CDH18: variants seen among roughly 807,000 people sequenced by gnomAD.
CDH18 encodes the protein cadherin-18.
Under a neutral mutation model 67.9 loss-of-function variants are expected in CDH18, and 31 were observed. That is an observed-to-expected ratio of 0.46 (90% CI 0.34 to 0.62). The LOEUF (loss-of-function observed/expected upper bound fraction) is 0.62. Ranked by LOEUF, CDH18 falls within the 20% of genes least tolerant of loss-of-function variation. CDH18 has a pLI of 0.01. For synonymous variants in CDH18, 362 were observed against 347.2 expected (o/e 1.04, Z -0.48); for missense variants, 890 against 975.5 (o/e 0.91, Z 1.17).
intron 1 of CDH18, among the ~76,000 whole-genome samples, chr5:20,529,282 C>T (rs1756257827): frequency 6.6e-6 from 1 of 151,706 alleles, no homozygotes; most frequent in African/African-American, 2.4e-5. Flanking sequence ...AAAAAAAAGC[C>T]CAGAACCAGA....
chr5:20,427,820 T>A (rs1748419337), intron 1 of CDH18, among the ~76,000 whole-genome samples: 1 of 151,262 alleles, frequency 6.6e-6, no homozygotes, highest in Non-Finnish European at 1.5e-5. Flanking sequence ...AAAGTCTGTA[T>A]GAAGAAATGC....
chr5:19,664,736 C>A (rs533583133), intron 5 of CDH18, among the ~76,000 whole-genome samples: 4 of 152,086 alleles, frequency 2.6e-5, no homozygotes, highest in Admixed American at 6.6e-5. Flanking sequence ...AGATAAAATT[C>A]TATGCCCCTC....
intron 1 of CDH18, among the ~76,000 whole-genome samples, chr5:20,550,871 T>A (rs1757595794): frequency 6.6e-6 from 1 of 152,138 alleles, no homozygotes; most frequent in Admixed American, 6.5e-5. Context: ...AAGCTTCCAA[T>A]CATGGCAGAA....
At chr5:19,749,485 GA>G (rs991402126) in intron 3 of CDH18, among the ~76,000 whole-genome samples, 3 of 151,116 alleles carry the variant, frequency 2.0e-5, no homozygotes, top group Non-Finnish European at 3.0e-5. Flanking sequence ...ATATATACAT[GA>G]AAAATATGTT....
intron 9 of CDH18, among the ~76,000 whole-genome samples, chr5:19,521,620 TACA>T (rs1432561666): frequency 6.6e-6 from 1 of 152,040 alleles, no homozygotes; most frequent in African/African-American, 2.4e-5. Flanking sequence ...GTAAAAAAGA[TACA>T]ACAATATTGG....
At chr5:19,694,079 C>G (rs1349442518) in intron 5 of CDH18, among the ~76,000 whole-genome samples, 1 of 151,964 alleles carries the variant, frequency 6.6e-6, no homozygotes. Flanking sequence ...CGTATATACA[C>G]AAAAAACAGA....
At chr5:19,849,842 T>C (rs1783493246) in intron 2 of CDH18, among the ~76,000 whole-genome samples, 1 of 150,816 alleles carries the variant, frequency 6.6e-6, no homozygotes, top group Non-Finnish European at 1.5e-5. Context: ...TTCCATATAC[T>C]CCACTAGATG....
intron 3 of CDH18, among the ~76,000 whole-genome samples, chr5:19,786,893 T>C (rs969766781): frequency 6.6e-6 from 1 of 152,228 alleles, no homozygotes; most frequent in South Asian, 2.1e-4. Flanking sequence ...ATGGATTCTG[T>C]TCCAACTGCC....
chr5:19,969,036 C>T (rs1363532676), intron 2 of CDH18, among the ~76,000 whole-genome samples: 2 of 137,042 alleles, frequency 1.5e-5, no homozygotes, highest in Admixed American at 1.4e-4. Context: ...GGGCAAAGGA[C>T]ATGAACAGAC....
chr5:20,335,424 G>A (rs1739635266), intron 1 of CDH18, among the ~76,000 whole-genome samples: 1 of 151,332 alleles, frequency 6.6e-6, no homozygotes, highest in African/African-American at 2.4e-5. Context: ...CATTATTTTT[G>A]TGGAGACAGG....
chr5:20,557,534 A>C (rs116829028), intron 1 of CDH18, among the ~76,000 whole-genome samples: 2,677 of 152,186 alleles, frequency 0.018, 73 homozygotes, highest in African/African-American at 0.059. Context: ...GAAGTGTTGC[A>C]CTTCAAAATA....
At chr5:20,375,875 T>C (rs764733989) in intron 1 of CDH18, among the ~76,000 whole-genome samples, 2 of 152,004 alleles carry the variant, frequency 1.3e-5, no homozygotes, top group Non-Finnish European at 2.9e-5. Flanking sequence ...CTGTGCTGGC[T>C]TTAGTATAGT....
intron 5 of CDH18, among the ~76,000 whole-genome samples, chr5:19,642,531 C>T (rs1754157233): frequency 1.3e-5 from 2 of 151,938 alleles, no homozygotes; most frequent in African/African-American, 2.4e-5. Context: ...CAGTGATCTA[C>T]GGCTATCTGA....
At chr5:20,181,213 C>A (rs1244215932) in intron 2 of CDH18, among the ~76,000 whole-genome samples, 2 of 152,120 alleles carry the variant, frequency 1.3e-5, no homozygotes, top group African/African-American at 4.8e-5. Context: ...GTTGCTCCTC[C>A]CATATTTTTG....
intron 11 of CDH18, among the ~76,000 whole-genome samples, chr5:19,500,230 T>C (rs1224692771): frequency 6.6e-6 from 1 of 152,210 alleles, no homozygotes; most frequent in Non-Finnish European, 1.5e-5. Flanking sequence ...TAAATATATG[T>C]ATGTAAGCAT....
At chr5:20,199,267 C>T (rs1031165274) in intron 2 of CDH18, among the ~76,000 whole-genome samples, 1 of 152,212 alleles carries the variant, frequency 6.6e-6, no homozygotes, top group Non-Finnish European at 1.5e-5. Flanking sequence ...CCCTGCAAAG[C>T]CACAGGGGCA....
rs542355934 is a variant in CDH18, at chr5:19,828,650, C to T, written c.228+10109G>A. ...TAAATACAAAACCAAATAATCATCT[C>T]GATAGATGCAGAAAAGGTTTCTGGT... On this transcript the variant is annotated intron_variant, in intron 3 of 12. Transcript: ENST00000382275. Among the ~76,000 whole-genome samples, 27 of 152,256 alleles carry T rather than the reference C, an allele frequency of 1.8e-4. 1 individual carries two copies. Among genetic ancestry groups the T allele is most frequent in the Admixed American group, 1.6e-3 (25 of 15,276 alleles).
At chr5:19,775,399 A>T (rs1386358537) in intron 3 of CDH18, among the ~76,000 whole-genome samples, 3 of 152,140 alleles carry the variant, frequency 2.0e-5, no homozygotes, top group African/African-American at 7.2e-5. Flanking sequence ...AGCATAGAGG[A>T]ATCTGCTTCT....
At chr5:19,737,083 C>CA (rs1433984897) in intron 4 of CDH18, among the ~76,000 whole-genome samples, 1 of 152,134 alleles carries the variant, frequency 6.6e-6, no homozygotes, top group Non-Finnish European at 1.5e-5. Context: ...ATGGCACTGC[C>CA]AGTCCTCTTC....
Sources: gnomAD v4.1 joint callset for allele counts (sites outside exome capture counted in the v4.1 genomes callset) on GRCh38, gnomAD v4.1.1 for gene constraint, MANE v1.5 for transcripts, NCBI Gene and HGNC (gene_info 2026-07-23, HGNC 2026-07-21) for gene names.